Variants in PEBP4 observed in about 807,000 individuals in gnomAD.
PEBP4 encodes phosphatidylethanolamine binding protein 4.
In PEBP4, 22 loss-of-function variants were observed where a neutral mutation model predicts 23.9. The observed-to-expected ratio is 0.92, with a 90% confidence interval of 0.66 to 1.31. PEBP4 has a LOEUF of 1.31. Among genes scored for constraint, PEBP4 ranks in the 40% most tolerant of loss-of-function variants. The pLI, the probability that PEBP4 is intolerant of heterozygous loss-of-function variation, is 0.00. For synonymous variants in PEBP4, 112 were observed against 99.3 expected, an observed-to-expected ratio of 1.13 and a Z score of -0.76; for missense variants, 324 against 281.7, an observed-to-expected ratio of 1.15 and a Z score of -1.07.
chr8:22,932,649 C>T (rs890774076), upstream of PEBP4, among the ~76,000 whole-genome samples: 14 of 152,276 alleles, frequency 9.2e-5, no homozygotes, highest in African/African-American at 3.1e-4. Flanking sequence ...GCCTCCTTAA[C>T]TGCACCCTGG....
intron 3 of PEBP4, among the ~76,000 whole-genome samples, chr8:22,875,665 A>G (rs1389085515): frequency 1.3e-5 from 2 of 152,130 alleles, no homozygotes; most frequent in Non-Finnish European, 2.9e-5. Flanking sequence ...GCTGGGAATT[A>G]TTAGCGTCCA....
At chr8:22,791,655 G>T (rs1806143702) in intron 4 of PEBP4, among the ~76,000 whole-genome samples, 1 of 152,220 alleles carries the variant, frequency 6.6e-6, no homozygotes, top group Admixed American at 6.5e-5. Flanking sequence ...GGCAGCCGCG[G>T]AAGTGTAGAT....
intron 3 of PEBP4, among the ~76,000 whole-genome samples, chr8:22,910,407 A>G (rs888286156): frequency 9.9e-5 from 15 of 152,264 alleles, no homozygotes; most frequent in African/African-American, 3.6e-4. Flanking sequence ...TCCCAAGCAT[A>G]CAGAGGTCTC....
chr8:22,857,970 G>T (rs112162971), intron 3 of PEBP4, among the ~76,000 whole-genome samples: 1 of 152,276 alleles, frequency 6.6e-6, no homozygotes, highest in South Asian at 2.1e-4. Flanking sequence ...TTCACGGACC[G>T]TCCATGGGGC....
intron 3 of PEBP4, among the ~76,000 whole-genome samples, chr8:22,909,048 T>A (rs1808878490): frequency 6.6e-6 from 1 of 152,048 alleles, no homozygotes; most frequent in African/African-American, 2.4e-5. Flanking sequence ...AAATCAGGGA[T>A]CCTCTATTTT....
At chr8:22,790,477 C>T (rs768774997) in intron 4 of PEBP4, among the ~76,000 whole-genome samples, 8 of 152,066 alleles carry the variant, frequency 5.3e-5, no homozygotes, top group Non-Finnish European at 1.0e-4. Context: ...AAGAGGGGCA[C>T]GGAAGAGGAA....
At chr8:22,810,985 C>T (rs1806615562) in intron 4 of PEBP4, among the ~76,000 whole-genome samples, 1 of 151,680 alleles carries the variant, frequency 6.6e-6, no homozygotes, top group Admixed American at 6.6e-5. Context: ...ACACGCTTGC[C>T]ATAAACCAAC....
chr8:22,854,977 A>G (rs1217632626), intron 3 of PEBP4, among the ~76,000 whole-genome samples: 2 of 138,756 alleles, frequency 1.4e-5, no homozygotes, highest in African/African-American at 2.7e-5. Flanking sequence ...TGTCCAAATG[A>G]GTGTGTATGT....
At chr8:22,805,668 A>G (rs1449866639) in intron 4 of PEBP4, among the ~76,000 whole-genome samples, 3 of 151,974 alleles carry the variant, frequency 2.0e-5, no homozygotes, top group Admixed American at 2.0e-4. Flanking sequence ...CAAACATACC[A>G]CTCTGGTGCC....
intron 3 of PEBP4, among the ~76,000 whole-genome samples, chr8:22,841,245 G>A (rs888875272): frequency 7.9e-5 from 12 of 152,268 alleles, no homozygotes; most frequent in Non-Finnish European, 8.8e-5. Context: ...GCGGCTCTTA[G>A]CCACTCTCTT....
chr8:22,827,645 C>T (rs1482158428), intron 3 of PEBP4, among the ~76,000 whole-genome samples: 14 of 152,150 alleles, frequency 9.2e-5, no homozygotes. Flanking sequence ...AATTGGTGGA[C>T]ATTTGGTTTA....
chr8:22,788,814 G>C (rs576845715), intron 4 of PEBP4, among the ~76,000 whole-genome samples: 2 of 152,304 alleles, frequency 1.3e-5, no homozygotes, highest in South Asian at 4.1e-4. Flanking sequence ...AGTCACCACA[G>C]AGGTGAATGA....
intron 1 of PEBP4, among the ~76,000 whole-genome samples, chr8:22,938,659 A>G (rs1457953544): frequency 6.6e-6 from 1 of 152,138 alleles, no homozygotes; most frequent in African/African-American, 2.4e-5. Flanking sequence ...GGAGAAAATC[A>G]GAGAGGGAGG....
At chr8:22,761,133 C>T (rs189522140) in intron 4 of PEBP4, among the ~76,000 whole-genome samples, 5 of 152,282 alleles carry the variant, frequency 3.3e-5, no homozygotes, top group East Asian at 3.9e-4. Context: ...CTGGAGCCTC[C>T]CCAGCAAGCA....
intron 3 of PEBP4, among the ~76,000 whole-genome samples, chr8:22,825,020 T>C (rs1806938003): frequency 6.6e-6 from 1 of 152,230 alleles, no homozygotes; most frequent in Non-Finnish European, 1.5e-5. Context: ...AGATCTCCTC[T>C]CTGCTAAGCA....
intron 3 of PEBP4, among the ~76,000 whole-genome samples, chr8:22,824,430 A>G (rs1015790641): frequency 3.3e-5 from 5 of 152,150 alleles, no homozygotes; most frequent in Non-Finnish European, 7.3e-5. Flanking sequence ...CTGATTCTTT[A>G]GGACAGCGCT....
chr8:22,920,419 T>C, intron 2 of PEBP4, 109 bp from the exon 3 acceptor site: 10 of 1,249,828 alleles, frequency 8.0e-6, no homozygotes, highest in East Asian at 2.5e-5. Context: ...TGGGATCAAA[T>C]CCTAAACCTG....
chr8:22,763,416 GTC>G (rs1275147889), intron 4 of PEBP4, among the ~76,000 whole-genome samples: 1 of 152,206 alleles, frequency 6.6e-6, no homozygotes, highest in Non-Finnish European at 1.5e-5. Context: ...CCCGACAGCG[GTC>G]AGATCATCAC....
chr8:22,748,267 G>A (rs114553409), intron 4 of PEBP4, among the ~76,000 whole-genome samples: 1,599 of 152,212 alleles, frequency 0.011, 21 homozygotes, highest in African/African-American at 0.036. Flanking sequence ...GCTGAGGTTG[G>A]ATGGACCATT....
Sources: gnomAD v4.1 joint callset for allele counts (sites outside exome capture counted in the v4.1 genomes callset) on GRCh38, gnomAD v4.1.1 for gene constraint, MANE v1.5 for transcripts, NCBI Gene and HGNC (gene_info 2026-07-23, HGNC 2026-07-21) for gene names.